CNTRL: variants seen among roughly 807,000 people sequenced by gnomAD.
The protein encoded by CNTRL is 110 kDa centrosomal protein.
In CNTRL, 233 loss-of-function variants were observed where a neutral mutation model predicts 303.7. That is an observed-to-expected ratio of 0.77 (90% confidence interval 0.69 to 0.86). CNTRL has a LOEUF of 0.86. Ranked by LOEUF, CNTRL falls within the 40% of genes least tolerant of loss-of-function variation. CNTRL has a pLI of 0.00. For missense variants in CNTRL, 2,524 were observed against 2,650.6 expected (o/e 0.95, Z 1.05); for synonymous variants, 900 against 922.2 (o/e 0.98, Z 0.44).
In CNTRL at chr9:121,150,462, C is replaced by A; in HGVS notation, c.3942C>A (p.Asn1314Lys). ...TCCCTATGGGTGTGCTGCATTGCAA[C>A]GTCCCTGAACACCATAACTTAGTAA... ...PFIPMGVLHC[N>K]VPEHHNLENE... The change falls in exon 25 of 44, where the codon AAC becomes AAA. Residue 1314 changes from asparagine (N) to lysine (K), a missense_variant. Transcript: ENST00000373855. The A allele has an allele frequency of 6.2e-7, 1 of 1,614,110 alleles. No individual in the cohort carries two copies. Among genetic ancestry groups the A allele is most frequent in the Non-Finnish European group, 8.5e-7 (1 of 1,180,008 alleles).
At position 121,168,323 on chromosome 9, in the gene CNTRL, T is replaced by A; in HGVS notation, c.6070+2T>A. ...TGGAGAAGACACTCTCCCAAACTAG[T>A]ATGTATTCTGGAACTTCTCACTGGG... On this transcript the variant is annotated splice_donor_variant, in intron 38 of 43. Coordinates refer to ENST00000373855, the MANE Select transcript of CNTRL (RefSeq NM_007018.6). LOFTEE classifies it high-confidence loss of function. 6.2e-7 allele frequency: 1 copy of A among 1,612,654 alleles called. No individual in the cohort carries two copies. Among genetic ancestry groups the A allele is most frequent in the African/African-American group, 1.3e-5 (1 of 74,974 alleles).
intron 25 of CNTRL, 62 bp from the exon 26 acceptor site, chr9:121,152,423 A>T (rs1439757619): frequency 1.5e-6 from 2 of 1,359,298 alleles, no homozygotes; most frequent in African/African-American, 2.9e-5. Context: ...AGCTTTTGGC[A>T]GGAAAGAGAG....
chr9:121,102,888 G>A (rs1479765736), intron 7 of CNTRL, among the ~76,000 whole-genome samples: 1 of 152,138 alleles, frequency 6.6e-6, no homozygotes, highest in Non-Finnish European at 1.5e-5. Context: ...ACTGCTCAAC[G>A]AAATAAAAGA....
chr9:121,146,030 T>G, intron 22 of CNTRL, 78 bp from the exon 23 acceptor site: 1 of 1,313,900 alleles, frequency 7.6e-7, no homozygotes, highest in Non-Finnish European at 1.0e-6. Flanking sequence ...TAATTGGCTC[T>G]CTTAGAATCT....
Position 121,161,868 on chromosome 9 carries a change from T to C in CNTRL, c.5102T>C (p.Ile1701Thr), listed in dbSNP as rs770029328. ...MSKHKTELKN[I>T]LDMLQLENHE... is the part of the protein sequence containing the mutation. ...TTCTATCCCTTAGAACTAAAGAATA[T>C]TCTGGACATGTTGCAACTTGAAAAC... Residue 1701 changes from isoleucine to threonine, a missense_variant, in exon 33 of 44, where the codon ATT becomes ACT. Transcript: ENST00000373855. 6.2e-7 allele frequency: 1 copy of C among 1,613,120 alleles called. No homozygotes were observed. The highest frequency in any genetic ancestry group is 8.5e-7 in the Non-Finnish European group (1 of 1,179,046).
At chr9:121,171,806 A>G (rs2053315820) in intron 40 of CNTRL, among the ~76,000 whole-genome samples, 3 of 152,228 alleles carry the variant, frequency 2.0e-5, no homozygotes, top group Non-Finnish European at 4.4e-5. Context: ...CTTGAGCATC[A>G]TATTTCATGT....
At chr9:121,135,201 A>G (rs1353621165) in intron 14 of CNTRL, among the ~76,000 whole-genome samples, 1 of 152,182 alleles carries the variant, frequency 6.6e-6, no homozygotes, top group Non-Finnish European at 1.5e-5. Flanking sequence ...CATTTAAGGT[A>G]CTCTTATCAT....
intron 18 of CNTRL, 142 bp downstream of exon 18, chr9:121,141,730 CTA>C: frequency 1.3e-6 from 1 of 791,418 alleles, no homozygotes; most frequent in South Asian, 1.8e-5. Context: ...CTGGGTGTGA[CTA>C]AAACTCAACC....
rs201982083 is a variant in CNTRL at position 121,118,362 on chromosome 9, A to T, written c.1472A>T (p.Lys491Ile). 2 of 1,594,288 alleles carry T rather than the reference A, an allele frequency of 1.3e-6. No individual in the cohort carries two copies. Among genetic ancestry groups the T allele is most frequent in the Non-Finnish European group, 1.7e-6 (2 of 1,169,518 alleles). Residue 491 changes from lysine (K) to isoleucine (I), a missense_variant, in exon 12 of 44, where the codon AAA (lysine) becomes ATA (isoleucine). Lys to Ile is a moderately radical substitution (Grantham distance 102, BLOSUM62 -3). Transcript: ENST00000373855. ...IQLKKISEAG[K>I]DLLYKQLSGR... Reference sequence around the variant, plus strand: ...GGAGATTAGATTTCAGAAGCAGGGAAAGACCTTCTTTACAAGCAGTTGAGT... The same window carrying T: ...GGAGATTAGATTTCAGAAGCAGGGATAGACCTTCTTTACAAGCAGTTGAGT...
chr9:121,161,228 A>C, intron 32 of CNTRL: 1 of 425,222 alleles, frequency 2.4e-6, no homozygotes, highest in Non-Finnish European at 4.4e-6. Flanking sequence ...TGGGGTGGTG[A>C]AATAATGGTG....
intron 6 of CNTRL, 21 bp downstream of exon 6, chr9:121,096,584 G>A: frequency 7.2e-7 from 1 of 1,394,594 alleles, no homozygotes; most frequent in Non-Finnish European, 9.4e-7. Context: ...CAAAATAGCA[G>A]GAATTTTTAG....
chr9:121,146,507 T>A (rs10985165), intron 23 of CNTRL, among the ~76,000 whole-genome samples: 12,260 of 152,038 alleles, frequency 0.081, 1,166 homozygotes, highest in African/African-American at 0.22. Flanking sequence ...GGAGAAAAGG[T>A]GATTTGAGCC....
chr9:121,142,047 A>G lies in CNTRL; in HGVS notation c.2692-44A>G, dbSNP rs1341328832. The G allele has an allele frequency of 7.4e-6, 11 of 1,480,904 alleles. No individual in the cohort carries two copies. The Admixed American group carries it at 2.1e-4, about 28-fold the overall frequency. The allele number at this position is 1,480,904 out of a possible 1,614,324, so 91.7% of individuals were successfully genotyped here. A position where few individuals can be genotyped will look rare whatever the true frequency, so the allele number is the denominator to read the frequency against. On this transcript the variant is annotated intron_variant, in intron 18 of 43. Transcript: ENST00000373855. Reference sequence around the variant, plus strand: ...AAAAAGTTTTTATTTTGCTTAAAACATATTTTGCCTAAAAATCATTCTTGA... The same window carrying G: ...AAAAAGTTTTTATTTTGCTTAAAACGTATTTTGCCTAAAAATCATTCTTGA...
At chr9:121,116,312 G>A (rs1245288034) in intron 11 of CNTRL, among the ~76,000 whole-genome samples, 3 of 152,130 alleles carry the variant, frequency 2.0e-5, no homozygotes, top group Admixed American at 6.6e-5. Context: ...AAGGGAGAGT[G>A]TAGAGGAAGA....
At chr9:121,114,183 A>G (rs1374870094) in intron 10 of CNTRL, among the ~76,000 whole-genome samples, 1 of 152,214 alleles carries the variant, frequency 6.6e-6, no homozygotes, top group East Asian at 1.9e-4. Flanking sequence ...ATGCCCCACA[A>G]TCTAATTCAA....
At chr9:121,123,854 A>C in intron 12 of CNTRL, 77 bp from the exon 13 acceptor site, 1 of 1,090,404 alleles carries the variant, frequency 9.2e-7, no homozygotes, top group Non-Finnish European at 1.2e-6. Context: ...TCTTCCTTTA[A>C]AAATGTTGTT....
chr9:121,114,990 C>A, intron 10 of CNTRL, 101 bp from the exon 11 acceptor site: 1 of 648,416 alleles, frequency 1.5e-6, no homozygotes, highest in South Asian at 2.2e-5. Context: ...TTTAATAGAG[C>A]AGGGAGAAGG....
chr9:121,118,585 A>G (rs370672914), intron 12 of CNTRL, 45 bp downstream of exon 12: 4 of 1,412,400 alleles, frequency 2.8e-6, no homozygotes, highest in African/African-American at 2.9e-5. Flanking sequence ...TACATATTAC[A>G]TGTCTCATCA....
chr9:121,176,301 C>T (rs1205278118), intron 43 of CNTRL, among the ~76,000 whole-genome samples: 1 of 152,182 alleles, frequency 6.6e-6, no homozygotes, highest in Non-Finnish European at 1.5e-5. Flanking sequence ...GGTGGAGCCA[C>T]AAGGAGCTTT....
Sources: allele counts gnomAD v4.1 joint callset (sites outside exome capture counted in the v4.1 genomes callset), GRCh38; gene constraint gnomAD v4.1.1; transcripts MANE v1.5; gene names NCBI Gene and HGNC (gene_info 2026-07-23, HGNC 2026-07-21).